Variants in BZW2 observed in about 807,000 individuals in gnomAD.
BZW2 encodes basic leucine zipper and W2 domains 2, also known as eIF5-mimic protein 1.
Under a neutral mutation model 53.2 loss-of-function variants are expected in BZW2, and 23 were observed. That is an observed-to-expected ratio of 0.43 (90% CI 0.31 to 0.61). The LOEUF is 0.61. BZW2 is among the 20% of genes least tolerant of loss of function. The probability of loss-of-function intolerance (pLI) is 0.09; values close to 1 mark genes in which losing one functional copy is unlikely to be tolerated. For missense variants in BZW2, 409 were observed against 503.1 expected, an observed-to-expected ratio of 0.81 and a Z score of 1.79; for synonymous variants, 227 against 186.4, an observed-to-expected ratio of 1.22 and a Z score of -1.77.
At chr7:16,651,062 G>T (rs1164596431) in intron 1 of BZW2, among the ~76,000 whole-genome samples, 1 of 152,098 alleles carries the variant, frequency 6.6e-6, no homozygotes, top group East Asian at 1.9e-4. Flanking sequence ...ATGACAAAAA[G>T]AAAGAATAAT....
At chr7:16,697,993 T>C (rs1261776793) in intron 9 of BZW2, 55 bp from the exon 10 acceptor site, 5 of 1,602,186 alleles carry the variant, frequency 3.1e-6, no homozygotes, top group Non-Finnish European at 4.3e-6. Context: ...TCCAGCAGTG[T>C]CGGCTCTGTA....
intron 9 of BZW2, among the ~76,000 whole-genome samples, chr7:16,697,429 A>G (rs1263647589): frequency 6.6e-6 from 1 of 152,178 alleles, no homozygotes; most frequent in Admixed American, 6.6e-5. Context: ...ATGGGTTCCA[A>G]CTACAATTAC....
At chr7:16,689,701 G>A in intron 6 of BZW2, 96 bp from the exon 7 acceptor site, 1 of 959,888 alleles carries the variant, frequency 1.0e-6, no homozygotes, top group Non-Finnish European at 1.5e-6. Context: ...TAGTCTTTTA[G>A]TTATTTACAC....
intron 7 of BZW2, among the ~76,000 whole-genome samples, chr7:16,691,661 A>G (rs930852452): frequency 2.0e-5 from 3 of 152,234 alleles, no homozygotes; most frequent in South Asian, 2.1e-4. Flanking sequence ...ACCTCTGCAG[A>G]TAGACATAGC....
chr7:16,673,226 G>A (rs1368641615), intron 2 of BZW2, among the ~76,000 whole-genome samples: 2 of 152,126 alleles, frequency 1.3e-5, no homozygotes, highest in South Asian at 2.1e-4. Context: ...GATTACAGGC[G>A]TGAGCCACCA....
At chr7:16,699,147 A>C (rs897573839) in intron 10 of BZW2, among the ~76,000 whole-genome samples, 2 of 152,206 alleles carry the variant, frequency 1.3e-5, no homozygotes, top group African/African-American at 4.8e-5. Flanking sequence ...GTGATATTTT[A>C]CTTTTTCAGG....
chr7:16,693,969 G>C (rs1583747233), intron 7 of BZW2, among the ~76,000 whole-genome samples: 1 of 152,248 alleles, frequency 6.6e-6, no homozygotes, highest in East Asian at 1.9e-4. Context: ...CATAGCCATT[G>C]GCCATATATA....
At chr7:16,676,271 G>A (rs1003059788) in intron 3 of BZW2, among the ~76,000 whole-genome samples, 1 of 152,164 alleles carries the variant, frequency 6.6e-6, no homozygotes, top group African/African-American at 2.4e-5. Flanking sequence ...TTTAGGGGCT[G>A]GGCACGGTGG....
intron 10 of BZW2, among the ~76,000 whole-genome samples, chr7:16,701,884 CAG>C (rs1783680023): frequency 1.3e-5 from 2 of 152,062 alleles, no homozygotes; most frequent in African/African-American, 4.8e-5. Flanking sequence ...AAGCCTCACA[CAG>C]AGGGTGTCAG....
intron 3 of BZW2, among the ~76,000 whole-genome samples, chr7:16,674,949 G>A (rs974459929): frequency 3.3e-5 from 5 of 151,944 alleles, no homozygotes; most frequent in African/African-American, 1.2e-4. Flanking sequence ...AAATTTCCAA[G>A]GTTTAATTAA....
intron 10 of BZW2, among the ~76,000 whole-genome samples, chr7:16,703,833 G>T (rs916017773): frequency 1.3e-5 from 2 of 152,162 alleles, no homozygotes; most frequent in African/African-American, 4.8e-5. Context: ...TTAGACAAAA[G>T]ATAGTTAACA....
At chr7:16,677,696 A>G (rs1474424984) in intron 3 of BZW2, among the ~76,000 whole-genome samples, 2 of 152,176 alleles carry the variant, frequency 1.3e-5, no homozygotes, top group African/African-American at 2.4e-5. Context: ...ATTGAAATGT[A>G]TGGCCTGCAG....
chr7:16,667,865 T>C (rs1782478525), intron 2 of BZW2, among the ~76,000 whole-genome samples: 1 of 152,220 alleles, frequency 6.6e-6, no homozygotes, highest in African/African-American at 2.4e-5. Context: ...CTCATCTTAC[T>C]CTTACAAATT....
At chr7:16,704,285 C>G (rs1783765319) in intron 10 of BZW2, among the ~76,000 whole-genome samples, 2 of 152,088 alleles carry the variant, frequency 1.3e-5, no homozygotes, top group Non-Finnish European at 2.9e-5. Context: ...GAGAGATTTC[C>G]AAGTCCTAGT....
chr7:16,682,873 GT>G (rs1420679966), intron 5 of BZW2, 28 bp downstream of exon 5: 1 of 1,469,142 alleles, frequency 6.8e-7, no homozygotes, highest in Non-Finnish European at 9.3e-7. Context: ...ATGCCTATCT[GT>G]TTTATAGTAA....
At chr7:16,682,958 G>A (rs1203032058) in intron 5 of BZW2, 113 bp downstream of exon 5, 1 of 548,090 alleles carries the variant, frequency 1.8e-6, no homozygotes, top group Non-Finnish European at 2.9e-6. Context: ...AGCACTTTGG[G>A]AGGCCGAGAC....
At chr7:16,671,848 A>G (rs1352362850) in intron 2 of BZW2, among the ~76,000 whole-genome samples, 3 of 147,986 alleles carry the variant, frequency 2.0e-5, no homozygotes, top group African/African-American at 7.6e-5. Context: ...GGAAAATCAC[A>G]TGAACCCAGG....
chr7:16,695,563 C>T (rs951706971), intron 8 of BZW2, among the ~76,000 whole-genome samples: 15 of 152,162 alleles, frequency 9.9e-5, no homozygotes, highest in Admixed American at 3.9e-4. Flanking sequence ...TTTTATAATA[C>T]GCATATACAT....
At chr7:16,699,042 T>C (rs1057340779) in intron 10 of BZW2, among the ~76,000 whole-genome samples, 2 of 152,224 alleles carry the variant, frequency 1.3e-5, no homozygotes, top group African/African-American at 4.8e-5. Flanking sequence ...AGATAAATAA[T>C]AGCTCTTTTA....
Sources: gnomAD v4.1 joint callset for allele counts (sites outside exome capture counted in the v4.1 genomes callset) on GRCh38, gnomAD v4.1.1 for gene constraint, MANE v1.5 for transcripts, NCBI Gene and HGNC (gene_info 2026-07-23, HGNC 2026-07-21) for gene names.